TEX264: variants seen among roughly 807,000 people sequenced by gnomAD.
TEX264 encodes testis expressed 264, ER-phagy receptor, also known as testis-expressed protein 264.
TEX264 carries 13 observed loss-of-function variants against 23.4 expected under a neutral mutation model. The observed-to-expected ratio is 0.56, with a 90% CI of 0.36 to 0.88. The LOEUF is 0.88. Ranked by LOEUF, TEX264 falls within the 40% of genes least tolerant of loss-of-function variation. TEX264 has a pLI of 0.01. For missense variants in TEX264, 340 were observed against 406.8 expected, an observed-to-expected ratio of 0.84 and a Z score of 1.41; for synonymous variants, 159 against 170.0, an observed-to-expected ratio of 0.94 and a Z score of 0.50.
In TEX264 at chr3:51,690,557, C is replaced by CAA. The variant is rs1301569354; in HGVS notation, c.480+5941_480+5942dup. On this transcript the variant is annotated intron_variant, in intron 3 of 4. Coordinates refer to ENST00000341333, the MANE Select transcript of TEX264 (RefSeq NM_015926.6). Reference sequence around the variant, plus strand: ...TGGGTGACAGAGCAAGACTCCGTCTCAAAAAAAAAAAAAAAAAAAGCAGGT... The same window carrying CAA: ...TGGGTGACAGAGCAAGACTCCGTCTCAAAAAAAAAAAAAAAAAAAAAGCAGGT... 4.4e-3 allele frequency among the ~76,000 whole-genome samples: 243 copies of CAA among 55,848 alleles called. 3 individuals are homozygous for CAA. The highest frequency in any genetic ancestry group is 0.014 in the African/African-American group (220 of 15,898). 36.6% of individuals were successfully genotyped at this position (55,848 alleles called of 152,430 possible).
At chr3:51,672,244 G>GC (rs978959432) in intron 1 of TEX264, 29 of 152,334 alleles carry the variant, frequency 1.9e-4, no homozygotes, top group African/African-American at 6.7e-4. Flanking sequence ...GCACTGGAGC[G>GC]CTCGGCCCCT....
chr3:51,689,821 C>T (rs1702762947), intron 3 of TEX264, among the ~76,000 whole-genome samples: 1 of 152,210 alleles, frequency 6.6e-6, no homozygotes, highest in African/African-American at 2.4e-5. Flanking sequence ...CAGGGCCCAG[C>T]CCTTGTGCAG....
In TEX264 at chr3:51,674,629, GT is replaced by G. The variant is rs1702172162; in HGVS notation, c.258+68del. On this transcript the variant is annotated intron_variant, in intron 2 of 4. Transcript: ENST00000341333. ...GTGGGCCAGGGCTTCTTTGGGGAGG[GT>G]AGTTTTGGTTGCTGAGGAAAGGGTG... The G allele has an allele frequency of 5.1e-6, 8 of 1,570,972 alleles. No homozygotes were observed. In the East Asian group the frequency reaches 1.8e-4, roughly 35 times the overall value.
rs868127461 is a variant in TEX264, at chr3:51,694,041, T to C, written c.481-5365T>C. ...TTCCTTCCTTCCTTCCTTCCTTCCT[T>C]CCTTCCTCCCTTCCCTTCCCTTCCC... On this transcript the variant is annotated intron_variant, in intron 3 of 4. Coordinates refer to ENST00000341333, the MANE Select transcript of TEX264 (RefSeq NM_015926.6). Among the ~76,000 whole-genome samples the C allele has an allele frequency of 1.8e-3, 191 of 106,188 alleles. 2 individuals are homozygous for C. Among genetic ancestry groups the C allele is most frequent in the Middle Eastern group, 4.9e-3 (1 of 206 alleles). The allele number at this position is 106,188 out of a possible 152,430, so 69.7% of individuals were successfully genotyped here.
At chr3:51,678,648 C>A (rs1702315592) in intron 2 of TEX264, among the ~76,000 whole-genome samples, 1 of 152,190 alleles carries the variant, frequency 6.6e-6, no homozygotes, top group Non-Finnish European at 1.5e-5. Context: ...TTGAAGCCCC[C>A]TTTCCCTTAG....
chr3:51,673,296 G>T (rs1052720525), intron 1 of TEX264, among the ~76,000 whole-genome samples: 4 of 151,894 alleles, frequency 2.6e-5, no homozygotes, highest in Admixed American at 2.6e-4. Context: ...TTTCCCCCCC[G>T]CCAGGCAACT....
chr3:51,689,684 G>A (rs1318443578), intron 3 of TEX264, among the ~76,000 whole-genome samples: 1 of 152,164 alleles, frequency 6.6e-6, no homozygotes, highest in Non-Finnish European at 1.5e-5. Context: ...GGCTCAGCTG[G>A]TTTGAAAACC....
At chr3:51,700,599 C>T (rs1336730749) in intron 4 of TEX264, among the ~76,000 whole-genome samples, 1 of 152,062 alleles carries the variant, frequency 6.6e-6, no homozygotes, top group East Asian at 1.9e-4. Context: ...GGTCAGCAGG[C>T]CCAGGCAGCC....
chr3:51,694,549 G>A (rs1445124563), intron 3 of TEX264: 1 of 152,384 alleles, frequency 6.6e-6, no homozygotes, highest in Non-Finnish European at 1.5e-5. Context: ...GATCAGACAA[G>A]ATCAGGTGCA....
rs1703405847 is a variant in TEX264 at position 51,703,668 on chromosome 3, T to A, written c.650-56T>A. On this transcript the variant is annotated intron_variant, in intron 4 of 4. Transcript: ENST00000341333. The surrounding 1 kb of genome is among the most constrained non-coding windows in gnomAD (Gnocchi z 4.8). ...CACTGCGTGCTGAGTTGCCTCTCCC[T>A]GGAGGAGGGGGTGGGGTGGTCCTAG... 1.3e-6 allele frequency: 2 copies of A among 1,520,850 alleles called. No individual in the cohort carries two copies. The highest frequency in any genetic ancestry group is 2.8e-5 in the African/African-American group (2 of 72,320). 94.2% of individuals were successfully genotyped at this position (1,520,850 alleles called of 1,614,324 possible).
chr3:51,703,150 C>T lies in TEX264; in HGVS notation c.650-574C>T, dbSNP rs373646707. On this transcript the variant is annotated intron_variant, in intron 4 of 4. Coordinates refer to ENST00000341333, the MANE Select transcript of TEX264 (RefSeq NM_015926.6). The surrounding 1 kb of genome is among the most constrained non-coding windows in gnomAD (Gnocchi z 4.8). Reference sequence around the variant, plus strand: ...ACTTCAGCTCCCTCCTCAACTGGGACTTGGTGTGTACCAGAGGCAGGGGCC... The same window carrying T: ...ACTTCAGCTCCCTCCTCAACTGGGATTTGGTGTGTACCAGAGGCAGGGGCC... Among the ~76,000 whole-genome samples, 5 of 152,232 alleles carry T rather than the reference C, an allele frequency of 3.3e-5. No homozygotes were observed. In the South Asian group the frequency reaches 1.0e-3, roughly 32 times the overall value.
rs1702816467 is a variant in TEX264, at chr3:51,691,204, G to T, written c.480+6570G>T. On this transcript the variant is annotated intron_variant, in intron 3 of 4. Transcript: ENST00000341333. This position sits in a 1 kb window ranked among gnomAD's most constrained non-coding sequence, Gnocchi z 4.4. ...AAGGCAGGCCTTGGGAACTGCTCTG[G>T]GCACAGGAAGCAGCTGCTGCAGGCA... 6.6e-6 allele frequency among the ~76,000 whole-genome samples: 1 copy of T among 152,184 alleles called. No homozygotes were observed. Among genetic ancestry groups the T allele is most frequent in the Non-Finnish European group, 1.5e-5 (1 of 68,026 alleles).
chr3:51,674,176 G>T, intron 1 of TEX264, 95 bp from the exon 2 acceptor site: 2 of 1,359,036 alleles, frequency 1.5e-6, no homozygotes, highest in East Asian at 4.6e-5. Flanking sequence ...ACCCAAGGCA[G>T]GTCTGAGGAG....
chr3:51,695,276 C>T (rs964878064), intron 3 of TEX264, among the ~76,000 whole-genome samples: 2 of 152,230 alleles, frequency 1.3e-5, no homozygotes, highest in African/African-American at 4.8e-5. Context: ...TCATCCCTTG[C>T]TGGGCCTAGA....
At chr3:51,689,440 A>G (rs1702744656) in intron 3 of TEX264, among the ~76,000 whole-genome samples, 1 of 150,340 alleles carries the variant, frequency 6.7e-6, no homozygotes, top group Admixed American at 6.6e-5. Context: ...AAAAAAATAA[A>G]AGTAAAAACA....
intron 2 of TEX264, among the ~76,000 whole-genome samples, chr3:51,675,057 CTT>C (rs1702185348): frequency 6.6e-6 from 1 of 152,234 alleles, no homozygotes; most frequent in African/African-American, 2.4e-5. Context: ...GGCTTGGAAT[CTT>C]ACCTCTTCAG....
intron 2 of TEX264, chr3:51,681,777 C>G (rs1702437290): frequency 6.6e-6 from 1 of 152,174 alleles, no homozygotes; most frequent in Non-Finnish European, 1.5e-5. Flanking sequence ...GGGCTCTGGC[C>G]CCTGCTGGGG....
At chr3:51,690,557 C>CAAA (rs1301569354) in intron 3 of TEX264, among the ~76,000 whole-genome samples, 2 of 55,882 alleles carry the variant, frequency 3.6e-5, no homozygotes, top group African/African-American at 6.3e-5. Flanking sequence ...GACTCCGTCT[C>CAAA]AAAAAAAAAA....
intron 2 of TEX264, among the ~76,000 whole-genome samples, chr3:51,677,034 C>G (rs1702254411): frequency 6.6e-6 from 1 of 152,198 alleles, no homozygotes; most frequent in African/African-American, 2.4e-5. Flanking sequence ...CTCTGCCTGA[C>G]AGAGATTGTA....
Sources: allele counts gnomAD v4.1 joint callset (sites outside exome capture counted in the v4.1 genomes callset), GRCh38; gene constraint gnomAD v4.1.1; non-coding constraint Gnocchi (gnomAD v3.1); transcripts MANE v1.5; gene names NCBI Gene and HGNC (gene_info 2026-07-23, HGNC 2026-07-21).